GALNT18: variants seen among roughly 807,000 people sequenced by gnomAD.
GALNT18 encodes the protein polypeptide N-acetylgalactosaminyltransferase 18.
Under a neutral mutation model 69.5 loss-of-function variants are expected in GALNT18, and 44 were observed. The ratio of observed to expected loss-of-function variants is 0.63; its 90% CI spans 0.50 to 0.81. The LOEUF (loss-of-function observed/expected upper bound fraction) is 0.81. GALNT18 is among the 40% of genes least tolerant of loss of function. The pLI is 0.00. For missense variants in GALNT18, 715 were observed against 810.0 expected (o/e 0.88, Z 1.42); for synonymous variants, 364 against 318.2 (o/e 1.14, Z -1.53).
intron 9 of GALNT18, among the ~76,000 whole-genome samples, chr11:11,306,538 G>C (rs904787034): frequency 6.6e-6 from 1 of 152,130 alleles, no homozygotes; most frequent in African/African-American, 2.4e-5. Flanking sequence ...CTTTCCTCCA[G>C]CTCATGTCTT....
chr11:11,364,729 C>T (rs944627462), intron 6 of GALNT18, among the ~76,000 whole-genome samples: 11 of 152,132 alleles, frequency 7.2e-5, no homozygotes, highest in African/African-American at 2.7e-4. Flanking sequence ...TTCTTTTCAA[C>T]TCTTTTAGGA....
intron 1 of GALNT18, among the ~76,000 whole-genome samples, chr11:11,504,038 T>C (rs150622173): frequency 7.3e-4 from 111 of 152,374 alleles, no homozygotes; most frequent in African/African-American, 2.5e-3. Context: ...CTTCTCTCTC[T>C]TGGCCTGAGC....
chr11:11,414,358 A>G lies in GALNT18; in HGVS notation c.595+18263T>C, dbSNP rs1854803780. 2.0e-5 allele frequency among the ~76,000 whole-genome samples: 3 copies of G among 152,342 alleles called. No homozygotes were observed. The South Asian group carries it at 6.2e-4, about 32-fold the overall frequency. ...GTCCCACATGACAAGGCCACTGCCT[A>G]ATTCTTCAATACCATCTCAAGCCAT... is the stretch of plus-strand genomic sequence containing the variant. On this transcript the variant is annotated intron_variant, in intron 3 of 10. Transcript: ENST00000227756.
chr11:11,296,154 C>G (rs1467259374), intron 9 of GALNT18, among the ~76,000 whole-genome samples: 1 of 152,130 alleles, frequency 6.6e-6, no homozygotes, highest in Non-Finnish European at 1.5e-5. Context: ...ATGAGAAAAG[C>G]CATGGTCCCT....
intron 1 of GALNT18, among the ~76,000 whole-genome samples, chr11:11,611,870 C>T (rs1043444218): frequency 2.0e-4 from 31 of 152,164 alleles, no homozygotes; most frequent in Admixed American, 2.0e-3. Context: ...GGTGGCTGCT[C>T]CCTCACCCTT....
chr11:11,299,290 G>A (rs11822902), intron 9 of GALNT18, among the ~76,000 whole-genome samples: 4,217 of 152,176 alleles, frequency 0.028, 200 homozygotes, highest in African/African-American at 0.096. Context: ...GATTACAGGC[G>A]TATACTACCA....
Position 11,540,022 on chromosome 11 carries a change from C to T in GALNT18, c.235+81337G>A, listed in dbSNP as rs1403804995. On this transcript the variant is annotated intron_variant, in intron 1 of 10. Transcript: ENST00000227756. The surrounding 1 kb of genome is among the most constrained non-coding windows in gnomAD (Gnocchi z 4.6). ...AGGGGAGACGGAGCTGCACAGGGGA[C>T]CCCGATGCCAGTCCGGCACTTGCAG... 2.6e-5 allele frequency among the ~76,000 whole-genome samples: 4 copies of T among 152,208 alleles called. No homozygotes were observed. Among genetic ancestry groups the T allele is most frequent in the Non-Finnish European group, 4.4e-5 (3 of 68,046 alleles).
At chr11:11,419,616 A>G (rs1221107761) in intron 3 of GALNT18, among the ~76,000 whole-genome samples, 13 of 149,482 alleles carry the variant, frequency 8.7e-5, no homozygotes, top group Admixed American at 3.4e-4. Flanking sequence ...AAAAAAAAAA[A>G]AAAAAAGAAA....
chr11:11,533,089 C>T (rs1857690918), intron 1 of GALNT18, among the ~76,000 whole-genome samples: 1 of 152,194 alleles, frequency 6.6e-6, no homozygotes, highest in South Asian at 2.1e-4. Context: ...CACCCCCATC[C>T]ATGTTACTCC....
intron 3 of GALNT18, among the ~76,000 whole-genome samples, chr11:11,390,188 G>A (rs1047526746): frequency 6.6e-6 from 1 of 152,132 alleles, no homozygotes; most frequent in Admixed American, 6.5e-5. Flanking sequence ...TGGCTTACAA[G>A]GTCAAACATC....
chr11:11,517,835 C>G (rs185438813), intron 1 of GALNT18, among the ~76,000 whole-genome samples: 1 of 152,154 alleles, frequency 6.6e-6, no homozygotes, highest in Non-Finnish European at 1.5e-5. Flanking sequence ...ACAAACTATT[C>G]TAACCAAAGT....
At chr11:11,574,971 A>G (rs1399732755) in intron 1 of GALNT18, among the ~76,000 whole-genome samples, 1 of 152,218 alleles carries the variant, frequency 6.6e-6, no homozygotes, top group East Asian at 1.9e-4. Flanking sequence ...GTGTTCTTGG[A>G]CCAGGTTTCT....
chr11:11,521,412 C>T (rs1471711244), intron 1 of GALNT18, among the ~76,000 whole-genome samples: 9 of 152,132 alleles, frequency 5.9e-5, no homozygotes, highest in African/African-American at 1.9e-4. Context: ...ACTCACTCCT[C>T]ATCCCTCATC....
In GALNT18 at chr11:11,562,640, T is replaced by A. The variant is rs942499810; in HGVS notation, c.235+58719A>T. ...CACAGCACAATTTCAAGGCCCCACA[T>A]GGACGTCTGCAAATAGCAAAGCAAG... is the stretch of plus-strand genomic sequence containing the variant. On this transcript the variant is annotated intron_variant, in intron 1 of 10. Coordinates refer to ENST00000227756, the MANE Select transcript of GALNT18 (RefSeq NM_198516.3). This position sits in a 1 kb window ranked among gnomAD's most constrained non-coding sequence, Gnocchi z 4.1. 6.6e-6 allele frequency among the ~76,000 whole-genome samples: 1 copy of A among 152,148 alleles called. No individual in the cohort carries two copies. Among genetic ancestry groups the A allele is most frequent in the African/African-American group, 2.4e-5 (1 of 41,436 alleles).
chr11:11,358,834 C>CAG, intron 6 of GALNT18, among the ~76,000 whole-genome samples: 1 of 121,116 alleles, frequency 8.3e-6, no homozygotes, highest in Non-Finnish European at 1.8e-5. Flanking sequence ...AAAACACACA[C>CAG]ACACACACAC....
intron 9 of GALNT18, among the ~76,000 whole-genome samples, chr11:11,297,885 A>C (rs996577026): frequency 6.6e-6 from 1 of 152,216 alleles, no homozygotes; most frequent in African/African-American, 2.4e-5. Context: ...TGATTCTTGC[A>C]GGAGGAAGAG....
rs746777745 is a variant in GALNT18, at chr11:11,383,540, C to A, written c.596-4276G>T. On this transcript the variant is annotated intron_variant, in intron 3 of 10. Transcript: ENST00000227756. The surrounding 1 kb of genome is among the most constrained non-coding windows in gnomAD (Gnocchi z 5.2). ...TGTGGAGAACCGGGCAGAGTCCTCA[C>A]CTCTCCCTCAAGGTTCAGATGAGCA... Among the ~76,000 whole-genome samples, 1 of 152,178 alleles carries A rather than the reference C, an allele frequency of 6.6e-6. No homozygotes were observed. Among genetic ancestry groups the A allele is most frequent in the Admixed American group, 6.5e-5 (1 of 15,286 alleles).
intron 1 of GALNT18, among the ~76,000 whole-genome samples, chr11:11,552,712 T>G (rs750747129): frequency 1.3e-5 from 2 of 152,090 alleles, no homozygotes; most frequent in Non-Finnish European, 2.9e-5. Context: ...AAGAACAGAG[T>G]GATTCCCACA....
At chr11:11,299,230 C>A (rs554644636) in intron 9 of GALNT18, among the ~76,000 whole-genome samples, 1 of 152,094 alleles carries the variant, frequency 6.6e-6, no homozygotes, top group South Asian at 2.1e-4. Context: ...CTGCAACCTC[C>A]GCCTCCCAGG....
Sources: allele counts gnomAD v4.1 joint callset (sites outside exome capture counted in the v4.1 genomes callset), GRCh38; gene constraint gnomAD v4.1.1; non-coding constraint Gnocchi (gnomAD v3.1); transcripts MANE v1.5; gene names NCBI Gene and HGNC (gene_info 2026-07-23, HGNC 2026-07-21).